Variants in DBT observed in about 807,000 individuals in gnomAD.
The protein encoded by DBT is lipoamide acyltransferase component of branched-chain alpha-keto acid dehydrogenase complex, mitochondrial.
Under a neutral mutation model 51.3 loss-of-function variants are expected in DBT, and 40 were observed. That is an observed-to-expected ratio of 0.78 (90% CI 0.61 to 1.02). The LOEUF is 1.02. Among genes scored for constraint, DBT ranks in the 50% least tolerant of loss-of-function variants. The pLI, the probability that DBT is intolerant of heterozygous loss-of-function variation, is 0.00. For missense variants in DBT, 510 were observed against 580.2 expected, an observed-to-expected ratio of 0.88 and a Z score of 1.24; for synonymous variants, 181 against 190.4, an observed-to-expected ratio of 0.95 and a Z score of 0.41.
intron 4 of DBT, among the ~76,000 whole-genome samples, chr1:100,225,787 T>C (rs1040039595): frequency 6.2e-5 from 8 of 128,542 alleles, no homozygotes; most frequent in African/African-American, 2.3e-4. Context: ...ATTGTGCCAC[T>C]GCACTCCAGC....
chr1:100,225,826 CAAAAAA>C (rs71084809), intron 4 of DBT, among the ~76,000 whole-genome samples: 1 of 86,934 alleles, frequency 1.2e-5, no homozygotes, highest in Non-Finnish European at 2.1e-5. Context: ...CTCCATCTCA[CAAAAAA>C]AAAAAAAAAA....
intron 1 of DBT, among the ~76,000 whole-genome samples, chr1:100,248,678 G>A (rs1284607343): frequency 2.6e-5 from 4 of 152,180 alleles, no homozygotes; most frequent in Non-Finnish European, 5.9e-5. Context: ...TGGGAAACTG[G>A]TGTCACAGAA....
At chr1:100,225,548 G>A (rs1663146109) in intron 4 of DBT, among the ~76,000 whole-genome samples, 1 of 152,114 alleles carries the variant, frequency 6.6e-6, no homozygotes, top group South Asian at 2.1e-4. Flanking sequence ...ACCAGCACCA[G>A]GTGTGGTGGC....
rs1661057102 is a variant in DBT, at chr1:100,195,825, C to CTCCTCAAGT, written c.*429_*430insACTTGAGGA. 1 of 202,452 alleles carries CTCCTCAAGT rather than the reference C, an allele frequency of 4.9e-6. No homozygotes were observed. Among genetic ancestry groups the CTCCTCAAGT allele is most frequent in the African/African-American group, 2.4e-5 (1 of 42,292 alleles). 12.5% of individuals were successfully genotyped at this position (202,452 alleles called of 1,614,324 possible). ...GATTATAGGTACCCACCACCACACCCGGCTAATTTTTGTATTTTTAGTAGA... is the reference window on the plus strand; with the variant it reads ...GATTATAGGTACCCACCACCACACCCTCCTCAAGTGGCTAATTTTTGTATTTTTAGTAGA... On this transcript the variant is annotated 3_prime_UTR_variant, in exon 11 of 11. Coordinates refer to ENST00000370132, the MANE Select transcript of DBT (RefSeq NM_001918.5).
At position 100,216,050 on chromosome 1, in the gene DBT, C is replaced by A; in HGVS notation, c.705G>T (p.Met235Ile). The A allele has an allele frequency of 6.2e-7, 1 of 1,613,708 alleles. No individual in the cohort carries two copies. Among genetic ancestry groups the A allele is most frequent in the Non-Finnish European group, 8.5e-7 (1 of 1,179,696 alleles). ...GTTTTGATACTAGTATAGGAACAGT[C>A]ATGTCTTTTGGCTTTGGTGGAGGTG... ...IMPPPPKPKD[M>I]TVPILVSKPP... Residue 235 changes from methionine (M) to isoleucine (I), a missense_variant, in exon 6 of 11, where the codon ATG becomes ATT. Coordinates refer to ENST00000370132, the MANE Select transcript of DBT (RefSeq NM_001918.5).
chr1:100,197,679 T>C (rs553696663), intron 10 of DBT, among the ~76,000 whole-genome samples: 29 of 152,184 alleles, frequency 1.9e-4, no homozygotes, highest in Non-Finnish European at 3.1e-4. Flanking sequence ...GGCAGTGACA[T>C]AGGAGGAAAA....
intron 8 of DBT, among the ~76,000 whole-genome samples, chr1:100,207,908 G>A (rs1179063298): frequency 6.6e-6 from 1 of 152,012 alleles, no homozygotes; most frequent in Non-Finnish European, 1.5e-5. Context: ...CGAGGCGGGC[G>A]GATCACGAGG....
chr1:100,223,127 A>G (rs1269958953), intron 4 of DBT, among the ~76,000 whole-genome samples: 1 of 152,228 alleles, frequency 6.6e-6, no homozygotes, highest in Non-Finnish European at 1.5e-5. Flanking sequence ...ATGTCTTTGC[A>G]TAATCAAAAA....
At chr1:100,215,855 C>T in intron 6 of DBT, 128 bp downstream of exon 6, 1 of 713,728 alleles carries the variant, frequency 1.4e-6, no homozygotes, top group Non-Finnish European at 2.5e-6. Context: ...AAATTATATG[C>T]TGACTGAAGT....
intron 5 of DBT, 87 bp downstream of exon 5, chr1:100,218,539 T>C: frequency 7.0e-7 from 1 of 1,438,358 alleles, no homozygotes; most frequent in East Asian, 2.3e-5. Flanking sequence ...ATTGAGCTAT[T>C]TCATCATGGG....
At chr1:100,211,744 G>A (rs1201701278) in intron 7 of DBT, among the ~76,000 whole-genome samples, 1 of 152,062 alleles carries the variant, frequency 6.6e-6, no homozygotes, top group Non-Finnish European at 1.5e-5. Flanking sequence ...GAACTGCTAC[G>A]AGTTCCTTAA....
At chr1:100,211,778 T>G (rs1662160387) in intron 7 of DBT, among the ~76,000 whole-genome samples, 1 of 152,204 alleles carries the variant, frequency 6.6e-6, no homozygotes, top group South Asian at 2.1e-4. Flanking sequence ...GAAGTTTTTC[T>G]TGTTTGTTTT....
At position 100,212,051 on chromosome 1, in the gene DBT, C is replaced by T. The variant is rs568834877; in HGVS notation, c.940-1280G>A. ...CCTCCTAAAGTGTTGGGATTACAGT[C>T]GTGAGACACTGCGCCCAGCCAACTT... is the stretch of plus-strand genomic sequence containing the variant. On this transcript the variant is annotated intron_variant, in intron 7 of 10. Coordinates refer to ENST00000370132, the MANE Select transcript of DBT (RefSeq NM_001918.5). Among the ~76,000 whole-genome samples the T allele has an allele frequency of 5.9e-5, 9 of 152,268 alleles. No individual in the cohort carries two copies. The East Asian group carries it at 1.3e-3, about 23-fold the overall frequency.
chr1:100,246,173 G>A (rs1269221042), intron 1 of DBT, among the ~76,000 whole-genome samples: 2 of 151,922 alleles, frequency 1.3e-5, no homozygotes, highest in South Asian at 4.1e-4. Context: ...CAGGAGAATC[G>A]CTTGAACCCG....
chr1:100,243,322 CT>C (rs1466772544), intron 1 of DBT, among the ~76,000 whole-genome samples: 12 of 141,286 alleles, frequency 8.5e-5, no homozygotes, highest in South Asian at 2.3e-4. Context: ...ATCTTTTTTT[CT>C]TTTTTTTTTG....
At chr1:100,197,066 C>A (rs559936048) in intron 10 of DBT, 245 of 190,276 alleles carry the variant, frequency 1.3e-3, no homozygotes, top group African/African-American at 5.4e-3. Flanking sequence ...ATGAACCCAG[C>A]TAATTCTAAA....
In DBT at chr1:100,187,972, C is replaced by G. The variant is rs1660645695; in HGVS notation, c.*8283G>C. On this transcript the variant is annotated 3_prime_UTR_variant, in exon 11 of 11. Coordinates refer to ENST00000370132, the MANE Select transcript of DBT (RefSeq NM_001918.5). ...ATATATCATTATTTCTAATATACACCTAGTTATTAGAGAAATTAGTGCACT... is the reference window on the plus strand; with the variant it reads ...ATATATCATTATTTCTAATATACACGTAGTTATTAGAGAAATTAGTGCACT... The G allele has an allele frequency of 6.6e-6, 1 of 151,986 alleles. No homozygotes were observed. Among genetic ancestry groups the G allele is most frequent in the South Asian group, 2.1e-4 (1 of 4,822 alleles). 9.4% of individuals were successfully genotyped at this position (151,986 alleles called of 1,614,324 possible).
intron 10 of DBT, among the ~76,000 whole-genome samples, chr1:100,202,952 A>G (rs961925461): frequency 6.6e-6 from 1 of 152,192 alleles, no homozygotes. Flanking sequence ...AATTTATAGC[A>G]CTATAAATTT....
chr1:100,210,937 C>A, intron 7 of DBT, 166 bp from the exon 8 acceptor site: 1 of 1,442,212 alleles, frequency 6.9e-7, no homozygotes, highest in Non-Finnish European at 9.4e-7. Context: ...ATGTTACCTT[C>A]AGGCCATGTG....
Sources: gnomAD v4.1 joint callset for allele counts (sites outside exome capture counted in the v4.1 genomes callset) on GRCh38, gnomAD v4.1.1 for gene constraint, MANE v1.5 for transcripts, NCBI Gene and HGNC (gene_info 2026-07-23, HGNC 2026-07-21) for gene names.